The following CCDC7 variants were observed in gnomAD, a reference collection of about 807,000 sequenced individuals.
The protein encoded by CCDC7 is coiled-coil domain-containing protein 7.
Under a neutral mutation model 196.9 loss-of-function variants are expected in CCDC7, and 183 were observed. The observed-to-expected ratio is 0.93, with a 90% CI of 0.82 to 1.05. The LOEUF is 1.05. Ranked by LOEUF, CCDC7 falls within the 50% of genes least tolerant of loss-of-function variation. The pLI, the probability that CCDC7 is intolerant of heterozygous loss-of-function variation, is 0.00. For missense variants in CCDC7, 1,540 were observed against 1,482.2 expected (o/e 1.04, Z -0.64); for synonymous variants, 525 against 484.6 (o/e 1.08, Z -1.10).
intron 20 of CCDC7, among the ~76,000 whole-genome samples, chr10:32,638,151 A>G (rs930034170): frequency 2.0e-5 from 3 of 152,196 alleles, no homozygotes; most frequent in Non-Finnish European, 4.4e-5. Flanking sequence ...GGGGTTTTCT[A>G]GATATACAAT....
At chr10:32,601,816 C>A (rs946960686) in intron 18 of CCDC7, among the ~76,000 whole-genome samples, 3 of 152,152 alleles carry the variant, frequency 2.0e-5, no homozygotes, top group African/African-American at 7.2e-5. Flanking sequence ...TAAAAACACA[C>A]CAATCAGCGC....
At chr10:32,518,353 C>A (rs1228703199) in intron 10 of CCDC7, 63 bp from the exon 12 acceptor site, 5 of 1,451,658 alleles carry the variant, frequency 3.4e-6, no homozygotes, top group Non-Finnish European at 3.7e-6. Context: ...AATTAAATAT[C>A]TGAATAACCT....
chr10:32,729,284 C>A (rs768980719), intron 27 of CCDC7, 48 bp from the exon 29 acceptor site: 1 of 1,486,864 alleles, frequency 6.7e-7, no homozygotes, highest in South Asian at 1.3e-5. Context: ...CTGATGATTA[C>A]TTGGCATATC....
At chr10:32,614,629 C>A (rs1446588529) in intron 18 of CCDC7, among the ~76,000 whole-genome samples, 1 of 152,012 alleles carries the variant, frequency 6.6e-6, no homozygotes, top group Non-Finnish European at 1.5e-5. Flanking sequence ...GAACATTGTA[C>A]CAAATAGGTA....
rs771951175 is a variant in CCDC7, at chr10:32,462,715, A to G, written c.477+12A>G. 4 of 1,462,056 alleles carry G rather than the reference A, an allele frequency of 2.7e-6. No homozygotes were observed. Among genetic ancestry groups the G allele is most frequent in the Middle Eastern group, 1.8e-4 (1 of 5,690 alleles). The allele number at this position is 1,462,056 out of a possible 1,614,324, so 90.6% of individuals were successfully genotyped here. A position where few individuals can be genotyped will look rare whatever the true frequency, so the allele number is the denominator to read the frequency against. On this transcript the variant is annotated intron_variant, in intron 4 of 41. Transcript: ENST00000639629. ...AATCTCTTTTTAAGGTACGTTCAAT[A>G]TATTACAGCTTAAGCCTACTAAAAC...
intron 20 of CCDC7, among the ~76,000 whole-genome samples, chr10:32,642,705 T>G (rs955185110): frequency 6.6e-6 from 1 of 152,204 alleles, no homozygotes; most frequent in Non-Finnish European, 1.5e-5. Context: ...ATGAACCCAG[T>G]ACCTCGGTTG....
At position 32,499,073 on chromosome 10, in the gene CCDC7, TTTTG is replaced by T. The variant is rs564530022; in HGVS notation, c.872+7084_872+7087del. On this transcript the variant is annotated intron_variant, in intron 9 of 41. Transcript: ENST00000639629. ...CACATAGTCCCATATTTCTTGGAGGTTTTGTTTGTTTCTTTTTTTTTTTTTTTTT... is the reference window on the plus strand; with the variant it reads ...CACATAGTCCCATATTTCTTGGAGGTTTTGTTTCTTTTTTTTTTTTTTTTT... 182 of 148,210 alleles carry T rather than the reference TTTTG, an allele frequency of 1.2e-3. 1 individual carries two copies. The highest frequency in any genetic ancestry group is 4.3e-3 in the African/African-American group (171 of 40,038). 9.2% of individuals were successfully genotyped at this position (148,210 alleles called of 1,614,324 possible).
intron 8 of CCDC7, among the ~76,000 whole-genome samples, chr10:32,485,830 G>A (rs1463085847): frequency 6.6e-6 from 1 of 152,134 alleles, no homozygotes; most frequent in Non-Finnish European, 1.5e-5. Context: ...TTAATCCTGA[G>A]TTCTAGTTTG....
upstream of CCDC7, among the ~76,000 whole-genome samples, chr10:32,446,835 T>G (rs1008041665): frequency 6.6e-6 from 1 of 152,024 alleles, no homozygotes; most frequent in Non-Finnish European, 1.5e-5. Flanking sequence ...TTATGTGAAC[T>G]TCATCGGAGC....
chr10:32,445,427 C>G (rs79129938), upstream of CCDC7, among the ~76,000 whole-genome samples: 5 of 152,136 alleles, frequency 3.3e-5, no homozygotes, highest in East Asian at 9.6e-4. Context: ...AATCTAAGGT[C>G]TCCTTTAAAC....
At chr10:32,518,096 G>A (rs2047330043) in intron 10 of CCDC7, 121 bp downstream of exon 11, 2 of 1,255,914 alleles carry the variant, frequency 1.6e-6, no homozygotes, top group East Asian at 5.4e-5. Context: ...TTATTTAAGA[G>A]ATTTGTATGC....
intron 41 of CCDC7, among the ~76,000 whole-genome samples, chr10:32,867,720 T>TTTA (rs2094255032): frequency 6.6e-6 from 1 of 151,650 alleles, no homozygotes; most frequent in Non-Finnish European, 1.5e-5. Context: ...GATAAAACTG[T>TTTA]TTATATTGTT....
Position 32,584,170 on chromosome 10 carries a change from G to A in CCDC7, c.1729-62G>A, listed in dbSNP as rs1029952736. On this transcript the variant is annotated intron_variant, in intron 17 of 41. Transcript: ENST00000639629. ...TCTCAAAGCAGGTAATTAAATACCA[G>A]TCTTGATATATATATATATGTATAT... is the stretch of plus-strand genomic sequence containing the variant. 8 of 809,414 alleles carry A rather than the reference G, an allele frequency of 9.9e-6. No individual in the cohort carries two copies. In the South Asian group the frequency reaches 1.1e-4, roughly 11 times the overall value. The allele number at this position is 809,414 out of a possible 1,614,324, so 50.1% of individuals were successfully genotyped here.
chr10:32,640,873 T>TTC (rs1397058823), intron 20 of CCDC7, among the ~76,000 whole-genome samples: 1 of 48,570 alleles, frequency 2.1e-5, no homozygotes, highest in Non-Finnish European at 9.3e-5. Context: ...TCTTTTTTTT[T>TTC]TTCTTTTTTT....
intron 24 of CCDC7, among the ~76,000 whole-genome samples, chr10:32,698,572 G>A (rs1363163939): frequency 1.3e-5 from 2 of 152,130 alleles, no homozygotes; most frequent in Non-Finnish European, 2.9e-5. Flanking sequence ...AGCTTCAGTA[G>A]CCAATTCAGT....
At chr10:32,523,551 A>G (rs2048196910) in intron 11 of CCDC7, among the ~76,000 whole-genome samples, 1 of 66,686 alleles carries the variant, frequency 1.5e-5, no homozygotes, top group South Asian at 9.2e-4. Context: ...GCTGTCTCCA[A>G]AAAAAAAAAA....
chr10:32,493,944 T>C (rs986049498), intron 9 of CCDC7, among the ~76,000 whole-genome samples: 1 of 152,200 alleles, frequency 6.6e-6, no homozygotes, highest in African/African-American at 2.4e-5. Context: ...ATTAAACTCT[T>C]ATCAGATGTA....
chr10:32,640,864 CTTT>C (rs753769301), intron 20 of CCDC7, among the ~76,000 whole-genome samples: 1 of 74,536 alleles, frequency 1.3e-5, no homozygotes, highest in African/African-American at 3.7e-5. Context: ...TGTAGATTTT[CTTT>C]TTTTTTTTCT....
intron 9 of CCDC7, among the ~76,000 whole-genome samples, chr10:32,504,807 T>G (rs1014641125): frequency 1.1e-4 from 17 of 152,240 alleles, no homozygotes; most frequent in African/African-American, 4.8e-5. Flanking sequence ...TATTAAGACA[T>G]GTTTTGTGGT....
Sources: allele counts gnomAD v4.1 joint callset (sites outside exome capture counted in the v4.1 genomes callset), GRCh38; gene constraint gnomAD v4.1.1; transcripts MANE v1.5; gene names NCBI Gene and HGNC (gene_info 2026-07-23, HGNC 2026-07-21).